HIPK2: variants seen among roughly 807,000 people sequenced by gnomAD.
HIPK2 encodes homeodomain-interacting protein kinase 2.
Under a neutral mutation model 113.7 loss-of-function variants are expected in HIPK2, and 27 were observed. That is an observed-to-expected ratio of 0.24 (90% confidence interval 0.17 to 0.33). The LOEUF (loss-of-function observed/expected upper bound fraction) is 0.33, where lower values mean the gene tolerates loss of function less well. Ranked by LOEUF, HIPK2 falls within the 10% of genes least tolerant of loss-of-function variation. The pLI, the probability that HIPK2 is intolerant of heterozygous loss-of-function variation, is 1.00. For synonymous variants in HIPK2, 631 were observed against 642.2 expected, an observed-to-expected ratio of 0.98 and a Z score of 0.26; for missense variants, 1,257 against 1,588.0, an observed-to-expected ratio of 0.79 and a Z score of 3.54.
chr7:139,592,689 G>A lies in HIPK2; in HGVS notation c.2717+4028C>T, dbSNP rs75265416. Among the ~76,000 whole-genome samples, 232 of 152,362 alleles carry A rather than the reference G, an allele frequency of 1.5e-3. 7 individuals are homozygous for A. In the East Asian group the frequency reaches 0.036, roughly 24 times the overall value. ...AGCAGGGGGGTCTGGATCAGGAGAC[G>A]TGGATCAAGAGAGTCCAGGAGAGAA... On this transcript the variant is annotated intron_variant, in intron 12 of 14. Transcript: ENST00000406875.
chr7:139,662,525 T>G (rs1801899263), intron 2 of HIPK2, among the ~76,000 whole-genome samples: 1 of 152,132 alleles, frequency 6.6e-6, no homozygotes, highest in Non-Finnish European at 1.5e-5. Context: ...CAGGTTGAGT[T>G]TACCACTCGG....
intron 13 of HIPK2, among the ~76,000 whole-genome samples, chr7:139,576,306 TCAGCA>T (rs1262720481): frequency 7.2e-5 from 11 of 152,210 alleles, no homozygotes; most frequent in Non-Finnish European, 1.5e-4. Context: ...GACCTCATGG[TCAGCA>T]GGTGGCTCCA....
At chr7:139,688,647 C>G (rs560213531) in intron 2 of HIPK2, among the ~76,000 whole-genome samples, 1 of 152,280 alleles carries the variant, frequency 6.6e-6, no homozygotes, top group South Asian at 2.1e-4. Context: ...ATCAAGTCCT[C>G]CCCTGAATAA....
intron 1 of HIPK2, among the ~76,000 whole-genome samples, chr7:139,727,734 C>T (rs1209834792): frequency 6.6e-6 from 1 of 152,156 alleles, no homozygotes; most frequent in African/African-American, 2.4e-5. Flanking sequence ...GTACAGACAA[C>T]CCATAATTGT....
rs574299501 is a variant in HIPK2, at chr7:139,600,849, C to T, written c.2256-253G>A. On this transcript the variant is annotated intron_variant, in intron 10 of 14. Coordinates refer to ENST00000406875, the MANE Select transcript of HIPK2 (RefSeq NM_022740.5). ...CAAGTGGGAAGAATGCCAAGTACAC[C>T]GGCTCCAAGTTTTTAAGTTCTAGGG... is the stretch of plus-strand genomic sequence containing the variant. 6.6e-5 allele frequency among the ~76,000 whole-genome samples: 10 copies of T among 152,238 alleles called. No individual in the cohort carries two copies. The East Asian group carries it at 7.7e-4, about 12-fold the overall frequency.
intron 1 of HIPK2, among the ~76,000 whole-genome samples, chr7:139,770,606 G>A (rs1040364119): frequency 2.0e-5 from 3 of 152,208 alleles, no homozygotes; most frequent in Non-Finnish European, 4.4e-5. Flanking sequence ...TGTCATGGAA[G>A]GTTCTATGGT....
intron 2 of HIPK2, among the ~76,000 whole-genome samples, chr7:139,702,983 G>GGTTC (rs1794757866): frequency 6.6e-6 from 1 of 152,068 alleles, no homozygotes. Flanking sequence ...TGTTTTCGTA[G>GGTTC]GTTCCCCTGT....
chr7:139,697,212 C>T (rs1367557741), intron 2 of HIPK2, among the ~76,000 whole-genome samples: 1 of 152,200 alleles, frequency 6.6e-6, no homozygotes, highest in African/African-American at 2.4e-5. Context: ...TACACCTGTT[C>T]TTCAGATAAC....
Position 139,724,901 on chromosome 7 carries a change from G to A in HIPK2, c.20-7886C>T, listed in dbSNP as rs185304862. ...CCAAATGTCCAACAATGATAGACTG[G>A]ATTAAGAAAATGTGGCACATATACA... On this transcript the variant is annotated intron_variant, in intron 1 of 14. Transcript: ENST00000406875. Among the ~76,000 whole-genome samples, 950 of 151,986 alleles carry A rather than the reference G, an allele frequency of 6.3e-3. 11 individuals are homozygous for A. Among genetic ancestry groups the A allele is most frequent in the Middle Eastern group, 0.017 (5 of 292 alleles).
intron 2 of HIPK2, among the ~76,000 whole-genome samples, chr7:139,708,877 T>C (rs2116902231): frequency 6.6e-6 from 1 of 152,300 alleles, no homozygotes; most frequent in South Asian, 2.1e-4. Context: ...CACATGGGCT[T>C]AAACTGTGTC....
intron 2 of HIPK2, among the ~76,000 whole-genome samples, chr7:139,640,619 G>A (rs961385051): frequency 6.6e-6 from 1 of 152,174 alleles, no homozygotes; most frequent in Non-Finnish European, 1.5e-5. Context: ...CCATGTGAAA[G>A]CAATGAAATA....
At chr7:139,665,597 TC>T (rs1802021854) in intron 2 of HIPK2, among the ~76,000 whole-genome samples, 1 of 151,774 alleles carries the variant, frequency 6.6e-6, no homozygotes, top group African/African-American at 2.4e-5. Context: ...CATCCATCCA[TC>T]CATCCATCCA....
Position 139,573,149 on chromosome 7 carries a change from G to C in HIPK2, c.3375C>G (p.Gly1125=). The change falls in exon 15 of 15, where the codon GGC becomes GGG. Residue 1125 remains glycine, a synonymous_variant. Transcript: ENST00000406875. ...GTVAHLVASQ[G]SARHTVQHTA... is the part of the protein sequence containing the mutation. ...TGTGCTGCACGGTGTGGCGCGCAGA[G>C]CCTTGCGAGGCCACCAGGTGGGCCA... The C allele has an allele frequency of 6.2e-7, 1 of 1,611,104 alleles. No individual in the cohort carries two copies. Among genetic ancestry groups the C allele is most frequent in the South Asian group, 1.1e-5 (1 of 90,958 alleles).
At chr7:139,685,355 G>T (rs1035865202) in intron 2 of HIPK2, among the ~76,000 whole-genome samples, 5 of 151,968 alleles carry the variant, frequency 3.3e-5, no homozygotes, top group Non-Finnish European at 7.4e-5. Context: ...TACAGACAAG[G>T]TTTCGCCATG....
intron 2 of HIPK2, among the ~76,000 whole-genome samples, chr7:139,681,216 C>T (rs1008061306): frequency 6.6e-6 from 1 of 152,154 alleles, no homozygotes; most frequent in Non-Finnish European, 1.5e-5. Flanking sequence ...TTTATCTAAA[C>T]TTGTGAAGTT....
chr7:139,752,724 GAAAAA>G (rs768536532), intron 1 of HIPK2, among the ~76,000 whole-genome samples: 3 of 104,692 alleles, frequency 2.9e-5, no homozygotes, highest in African/African-American at 7.6e-5. Flanking sequence ...TTTCACAGCT[GAAAAA>G]AAAAAAAAAA....
At chr7:139,775,514 T>A (rs1353506203) in intron 1 of HIPK2, among the ~76,000 whole-genome samples, 1 of 151,406 alleles carries the variant, frequency 6.6e-6, no homozygotes, top group Non-Finnish European at 1.5e-5. Flanking sequence ...CAGATAAACA[T>A]CCGGAATAAA....
chr7:139,702,454 C>A (rs1317136752), intron 2 of HIPK2, among the ~76,000 whole-genome samples: 1 of 152,200 alleles, frequency 6.6e-6, no homozygotes, highest in Non-Finnish European at 1.5e-5. Context: ...GGCACAGGGA[C>A]CCTCGCCGAG....
At chr7:139,679,145 C>T (rs111281312) in intron 2 of HIPK2, among the ~76,000 whole-genome samples, 1,626 of 152,264 alleles carry the variant, frequency 0.011, 31 homozygotes, top group African/African-American at 0.037. Context: ...TACTTGAATA[C>T]GTTTTATTTC....
Sources: allele counts gnomAD v4.1 joint callset (sites outside exome capture counted in the v4.1 genomes callset), GRCh38; gene constraint gnomAD v4.1.1; transcripts MANE v1.5; gene names NCBI Gene and HGNC (gene_info 2026-07-23, HGNC 2026-07-21).